Variants in KIR3DL2 observed in about 807,000 individuals in gnomAD.
KIR3DL2 encodes killer cell immunoglobulin like receptor, three Ig domains and long cytoplasmic tail 2, also known as killer cell immunoglobulin-like receptor 3DL2.
A neutral mutation model predicts 41.6 loss-of-function variants in KIR3DL2; 42 were observed. That is an observed-to-expected ratio of 1.01 (90% confidence interval 0.79 to 1.31). The LOEUF (loss-of-function observed/expected upper bound fraction) is 1.31, where lower values mean the gene tolerates loss of function less well. Among genes scored for constraint, KIR3DL2 ranks in the 50% most tolerant of loss-of-function variants. KIR3DL2 has a pLI of 0.00. For synonymous variants in KIR3DL2, 230 were observed against 221.3 expected (o/e 1.04, Z -0.35); for missense variants, 728 against 576.8 (o/e 1.26, Z -2.68).
rs1319914274 is a variant in KIR3DL2 at position 54,853,892 on chromosome 19, C to T, written c.501C>T (p.Leu167=). The T allele has an allele frequency of 6.2e-6, 10 of 1,613,272 alleles. No individual in the cohort carries two copies. The highest frequency in any genetic ancestry group is 1.1e-5 in the South Asian group (1 of 91,084). The change falls in exon 4 of 9, where the codon CTC becomes CTT. Residue 167 remains leucine (L), a synonymous_variant. Transcript: ENST00000326321. ...GGATCTCTGAGGACCCCTCACGCCT[C>T]GTTGGACAGATCCATGATGGGGTCT... ...REGISEDPSR[L]VGQIHDGVSK...
At chr19:54,856,023 C>A (rs1335018736) in intron 5 of KIR3DL2, 111 bp downstream of exon 5, 2 of 1,359,154 alleles carry the variant, frequency 1.5e-6, no homozygotes, top group Non-Finnish European at 2.0e-6. Context: ...AACACGAAGA[C>A]TGGGTGTGAG....
chr19:54,859,715 C>T (rs1268564283), intron 6 of KIR3DL2, among the ~76,000 whole-genome samples: 4 of 151,646 alleles, frequency 2.6e-5, no homozygotes, highest in Non-Finnish European at 5.9e-5. Flanking sequence ...GAAAACAAAA[C>T]GGTTATTTAA....
intron 6 of KIR3DL2, among the ~76,000 whole-genome samples, chr19:54,863,665 T>G (rs967602407): frequency 3.9e-5 from 6 of 152,228 alleles, no homozygotes; most frequent in African/African-American, 9.6e-5. Flanking sequence ...TTTTGAGAAG[T>G]GTCTGTTCAT....
rs1430519524 is a variant in KIR3DL2, at chr19:54,851,268, C to G, written c.70+13C>G. 6.2e-7 allele frequency: 1 copy of G among 1,604,964 alleles called. No individual in the cohort carries two copies. Among genetic ancestry groups the G allele is most frequent in the Non-Finnish European group, 8.5e-7 (1 of 1,175,224 alleles). ...TGGCCACTCATGGGTGAGTCCGTCCCCAAACCTTAGGGTGTCATCTCCCCA... is the reference window on the plus strand; with the variant it reads ...TGGCCACTCATGGGTGAGTCCGTCCGCAAACCTTAGGGTGTCATCTCCCCA... On this transcript the variant is annotated intron_variant, in intron 2 of 8. Transcript: ENST00000326321.
intron 2 of KIR3DL2, 99 bp downstream of exon 2, chr19:54,851,354 G>T: frequency 7.5e-7 from 1 of 1,338,514 alleles, no homozygotes. Flanking sequence ...CATAAACTAG[G>T]AAGAGGGGAC....
chr19:54,854,508 G>A (rs1205406669), intron 4 of KIR3DL2, among the ~76,000 whole-genome samples: 1 of 151,794 alleles, frequency 6.6e-6, no homozygotes, highest in African/African-American at 2.4e-5. Context: ...TGACACCTCT[G>A]CCTTCCATGC....
chr19:54,857,835 C>T (rs1435764517), intron 5 of KIR3DL2, among the ~76,000 whole-genome samples: 4 of 151,692 alleles, frequency 2.6e-5, no homozygotes, highest in African/African-American at 4.9e-5. Flanking sequence ...CGTGAGCCAC[C>T]GGCCTAAAAG....
intron 6 of KIR3DL2, among the ~76,000 whole-genome samples, chr19:54,861,453 C>G (rs892109130): frequency 2.6e-5 from 4 of 152,028 alleles, no homozygotes; most frequent in African/African-American, 9.7e-5. Context: ...CGAGACCAGC[C>G]TGGCCAACAT....
At position 54,852,203 on chromosome 19, in the gene KIR3DL2, C is replaced by A. The variant is rs145750879; in HGVS notation, c.276C>A (p.Thr92=). The change falls in exon 3 of 9, where the codon ACC becomes ACA. Residue 92 remains threonine (T), a synonymous_variant. Transcript: ENST00000326321. The stretch of plus-strand genomic sequence containing the variant: ...CTGTGACCCCAGCACATGCAGGGAC[C>A]TACAGATGTCGGGGTTCACGCCCAC... ...MGPVTPAHAG[T]YRCRGSRPHS... 2.7e-5 allele frequency: 44 copies of A among 1,612,178 alleles called. No homozygotes were observed. The highest frequency in any genetic ancestry group is 1.6e-4 in the Middle Eastern group (1 of 6,068).
In KIR3DL2 at chr19:54,852,385, A is replaced by T. The variant is rs1272138445; in HGVS notation, c.355+103A>T. On this transcript the variant is annotated intron_variant, in intron 3 of 8. Coordinates refer to ENST00000326321, the MANE Select transcript of KIR3DL2 (RefSeq NM_006737.4). Reference sequence around the variant, plus strand: ...GTCCCATCACCCAGGCCCCAACTGTATTTGGGGTCAAGGGAGATTGAATAC... The same window carrying T: ...GTCCCATCACCCAGGCCCCAACTGTTTTTGGGGTCAAGGGAGATTGAATAC... The T allele has an allele frequency of 2.7e-6, 4 of 1,487,470 alleles. No individual in the cohort carries two copies. The African/African-American group carries it at 5.7e-5, about 21-fold the overall frequency. The allele number at this position is 1,487,470 out of a possible 1,614,324, so 92.1% of individuals were successfully genotyped here. A position where few individuals can be genotyped will look rare whatever the true frequency, so the allele number is the denominator to read the frequency against.
In KIR3DL2 at chr19:54,851,245, G is replaced by A. The variant is rs754050776; in HGVS notation, c.60G>A (p.Trp20Ter). Reference sequence around the variant, plus strand: ...GGTTCTTCTTGCTGCAGGGGGCCTGGCCACTCATGGGTGAGTCCGTCCCCA... The same window carrying A: ...GGTTCTTCTTGCTGCAGGGGGCCTGACCACTCATGGGTGAGTCCGTCCCCA... Reference protein sequence around the residue: ...CVGFFLLQGAWPLMGGQDKPF... With the variant: ...CVGFFLLQGA Residue 20 changes from tryptophan (W) to a stop codon, truncating the protein, a stop_gained, in exon 2 of 9, where the codon TGG becomes TGA. Coordinates refer to ENST00000326321, the MANE Select transcript of KIR3DL2 (RefSeq NM_006737.4). LOFTEE classifies it high-confidence loss of function. The A allele has an allele frequency of 8.7e-6, 14 of 1,609,078 alleles. 1 individual carries two copies. The South Asian group carries it at 1.1e-4, about 13-fold the overall frequency.
chr19:54,865,541 C>CCA (rs2145734268), intron 6 of KIR3DL2, among the ~76,000 whole-genome samples: 2 of 152,204 alleles, frequency 1.3e-5, no homozygotes, highest in South Asian at 4.1e-4. Context: ...GCCCAAACTT[C>CCA]CACACTGGGG....
intron 7 of KIR3DL2, among the ~76,000 whole-genome samples, 156 bp from the exon 8 acceptor site, chr19:54,866,214 G>T (rs374505425): frequency 6.6e-6 from 1 of 151,856 alleles, no homozygotes; most frequent in Non-Finnish European, 1.5e-5. Flanking sequence ...ATGGGATGGG[G>T]TCTTGAACTC....
chr19:54,864,014 A>G (rs529368795), intron 6 of KIR3DL2, among the ~76,000 whole-genome samples: 3 of 151,650 alleles, frequency 2.0e-5, no homozygotes, highest in South Asian at 2.1e-4. Flanking sequence ...TCTTTAATCC[A>G]TCTCAAATTA....
chr19:54,855,141 A>G (rs1221201410), intron 4 of KIR3DL2, among the ~76,000 whole-genome samples: 12 of 150,708 alleles, frequency 8.0e-5, no homozygotes, highest in African/African-American at 2.7e-4. Context: ...GAGAGGTAAT[A>G]GAGAGAGAGA....
chr19:54,866,599 T>C lies in KIR3DL2; in HGVS notation c.1236T>C (p.Ser412=). The C allele has an allele frequency of 1.9e-6, 3 of 1,613,980 alleles. No homozygotes were observed. Among genetic ancestry groups the C allele is most frequent in the Non-Finnish European group, 2.5e-6 (3 of 1,179,966 alleles). ...GCGTTTTCATACAGAGAAAAATCAGTCGCCCTTCTCAGAGGCCCAAGACAC... is the reference window on the plus strand; with the variant it reads ...GCGTTTTCATACAGAGAAAAATCAGCCGCCCTTCTCAGAGGCCCAAGACAC... ...DHCVFIQRKI[S]RPSQRPKTPL... The change falls in exon 9 of 9, where the codon AGT becomes AGC. Residue 412 remains serine, a synonymous_variant. Coordinates refer to ENST00000326321, the MANE Select transcript of KIR3DL2 (RefSeq NM_006737.4).
intron 6 of KIR3DL2, among the ~76,000 whole-genome samples, chr19:54,861,014 A>G (rs371701911): frequency 0.042 from 5,354 of 128,268 alleles, 10 homozygotes; most frequent in East Asian, 0.094. Flanking sequence ...CCTCGAGGTA[A>G]CCAGGAATCC....
intron 6 of KIR3DL2, among the ~76,000 whole-genome samples, chr19:54,864,700 T>C (rs1195826577): frequency 2.0e-5 from 3 of 152,210 alleles, no homozygotes; most frequent in African/African-American, 4.8e-5. Context: ...TTTTTGTACA[T>C]TGATTCTGTA....
At chr19:54,854,510 C>T (rs777806753) in intron 4 of KIR3DL2, among the ~76,000 whole-genome samples, 20 of 151,938 alleles carry the variant, frequency 1.3e-4, no homozygotes, top group Non-Finnish European at 2.2e-4. Flanking sequence ...ACACCTCTGC[C>T]TTCCATGCAG....
Sources: gnomAD v4.1 joint callset for allele counts (sites outside exome capture counted in the v4.1 genomes callset) on GRCh38, gnomAD v4.1.1 for gene constraint, MANE v1.5 for transcripts, NCBI Gene and HGNC (gene_info 2026-07-23, HGNC 2026-07-21) for gene names.